The following ESRRA variants were observed in gnomAD, a reference collection of about 807,000 sequenced individuals.
ESRRA encodes the protein estrogen related receptor alpha, also known as steroid hormone receptor ERR1.
ESRRA carries 7 observed loss-of-function variants against 35.6 expected under a neutral mutation model. That is an observed-to-expected ratio of 0.20 (90% CI 0.11 to 0.37). The LOEUF (loss-of-function observed/expected upper bound fraction) is 0.37. ESRRA is among the 10% of genes least tolerant of loss of function. The pLI is 1.00. For missense variants in ESRRA, 378 were observed against 561.7 expected, an observed-to-expected ratio of 0.67 and a Z score of 3.31; for synonymous variants, 223 against 246.9, an observed-to-expected ratio of 0.90 and a Z score of 0.91.
chr11:64,307,059 G>A (rs1382071300), intron 1 of ESRRA, 109 bp from the exon 2 acceptor site: 8 of 850,878 alleles, frequency 9.4e-6, no homozygotes, highest in Non-Finnish European at 1.4e-5. Flanking sequence ...CCCACTTGCT[G>A]GGCTTGGAAG....
rs544054283 is a variant in ESRRA, at chr11:64,316,547, C to G, written c.*581C>G. ...TCCTCAGGGGGTAGGAGAGCACTGC[C>G]TCTATGCCCTGCAGAGCAATAACAC... is the stretch of plus-strand genomic sequence containing the variant. On this transcript the variant is annotated 3_prime_UTR_variant, in exon 7 of 7. Transcript: ENST00000000442. The G allele has an allele frequency of 1.3e-4, 39 of 302,478 alleles. No homozygotes were observed. In the East Asian group the frequency reaches 2.2e-3, roughly 17 times the overall value. The allele number at this position is 302,478 out of a possible 1,614,324, so 18.7% of individuals were successfully genotyped here. A position where few individuals can be genotyped will look rare whatever the true frequency, so the allele number is the denominator to read the frequency against.
chr11:64,311,981 C>G (rs1440783040), intron 2 of ESRRA, among the ~76,000 whole-genome samples: 6 of 5,320 alleles, frequency 1.1e-3, no homozygotes, highest in African/African-American at 1.5e-3. Flanking sequence ...CTGCGCCTGG[C>G]CTTTTTTTTT....
At chr11:64,310,841 C>T (rs1199113961) in intron 2 of ESRRA, among the ~76,000 whole-genome samples, 37 of 152,100 alleles carry the variant, frequency 2.4e-4, no homozygotes, top group Admixed American at 2.4e-3. Context: ...AGCCACTGCA[C>T]CCCGCCAATC....
chr11:64,316,509 C>T lies in ESRRA; in HGVS notation c.*543C>T. On this transcript the variant is annotated 3_prime_UTR_variant, in exon 7 of 7. Coordinates refer to ENST00000000442, the MANE Select transcript of ESRRA (RefSeq NM_004451.5). ...GGGGTGGCCAGGGCTTCCCCATCAG[C>T]TCCCAACGAGCCTCCTCAGGGGGTA... 1 of 234,236 alleles carries T rather than the reference C, an allele frequency of 4.3e-6. No individual in the cohort carries two copies. Among genetic ancestry groups the T allele is most frequent in the South Asian group, 5.5e-5 (1 of 18,332 alleles). The allele number at this position is 234,236 out of a possible 1,614,324, so 14.5% of individuals were successfully genotyped here. A position where few individuals can be genotyped will look rare whatever the true frequency, so the allele number is the denominator to read the frequency against.
chr11:64,309,430 A>G (rs1591241020), intron 2 of ESRRA, among the ~76,000 whole-genome samples: 1 of 73,722 alleles, frequency 1.4e-5, no homozygotes, highest in East Asian at 4.4e-4. Flanking sequence ...AGACACTCTC[A>G]TCTCAAAAAA....
rs1242387489 is a variant in ESRRA at position 64,305,762 on chromosome 11, C to T, written c.-13+26C>T. On this transcript the variant is annotated intron_variant, in intron 1 of 6. Coordinates refer to ENST00000000442, the MANE Select transcript of ESRRA (RefSeq NM_004451.5). The surrounding 1 kb of genome is among the most constrained non-coding windows in gnomAD (Gnocchi z 5.8). ...GTCCGGGGGCGGAGGGGAGCGCTGC[C>T]GCGGGGGTGGGCGGGCGGGGCGCGG... 4.1e-5 allele frequency: 5 copies of T among 121,934 alleles called. No homozygotes were observed. Among genetic ancestry groups the T allele is most frequent in the African/African-American group, 1.5e-4 (5 of 33,230 alleles). The allele number at this position is 121,934 out of a possible 1,614,324, so 7.6% of individuals were successfully genotyped here.
At chr11:64,307,106 C>T in intron 1 of ESRRA, 62 bp from the exon 2 acceptor site, 2 of 1,393,352 alleles carry the variant, frequency 1.4e-6, no homozygotes, top group South Asian at 3.0e-5. Context: ...ACCCGTGTGG[C>T]AGGGTGTCTC....
rs1301242227 is a variant in ESRRA at position 64,313,742 on chromosome 11, G to A, written c.326-209G>A. 5.8e-6 allele frequency: 3 copies of A among 519,804 alleles called. No homozygotes were observed. Among genetic ancestry groups the A allele is most frequent in the South Asian group, 2.7e-5 (1 of 36,944 alleles). The allele number at this position is 519,804 out of a possible 1,614,324, so 32.2% of individuals were successfully genotyped here. On this transcript the variant is annotated intron_variant, in intron 2 of 6. Coordinates refer to ENST00000000442, the MANE Select transcript of ESRRA (RefSeq NM_004451.5). This position sits in a 1 kb window ranked among gnomAD's most constrained non-coding sequence, Gnocchi z 4.0. ...AGGCTTGGGGCTGAGATGCAGCCCC[G>A]CTGCCTGGTCCAGCTCCTCCCTCAT...
Position 64,315,827 on chromosome 11 carries a change from C to T in ESRRA, c.1133C>T (p.Ala378Val), listed in dbSNP as rs45588331. The T allele has an allele frequency of 2.5e-5, 38 of 1,540,302 alleles. No homozygotes were observed. The East Asian group carries it at 4.0e-4, about 16-fold the overall frequency. The change falls in exon 7 of 7, where the codon GCG becomes GTG. Residue 378 changes from alanine to valine, a missense_variant. Transcript: ENST00000000442. Reference sequence around the variant, plus strand: ...GGAGGGGGTGCTGAGCGGCGGCGGGCGGGCAGGCTGCTGCTCACGCTACCG... The same window carrying T: ...GGAGGGGGTGCTGAGCGGCGGCGGGTGGGCAGGCTGCTGCTCACGCTACCG... Reference protein sequence around the residue: ...GPGGGAERRRAGRLLLTLPLL... With the variant: ...GPGGGAERRRVGRLLLTLPLL...
At chr11:64,310,322 C>T (rs1340502416) in intron 2 of ESRRA, among the ~76,000 whole-genome samples, 1 of 150,894 alleles carries the variant, frequency 6.6e-6, no homozygotes, top group Non-Finnish European at 1.5e-5. Context: ...GCAAGCTCCG[C>T]CTCCCGGGTT....
In ESRRA at chr11:64,316,054, C is replaced by G; in HGVS notation, c.*88C>G. On this transcript the variant is annotated 3_prime_UTR_variant, in exon 7 of 7. Coordinates refer to ENST00000000442, the MANE Select transcript of ESRRA (RefSeq NM_004451.5). ...GGCTGGGGCGGAGCTGGGGTCTGGG[C>G]AGTGCCACAGCCTGCTGGCAGGGCC... 2.1e-6 allele frequency: 3 copies of G among 1,439,470 alleles called. No homozygotes were observed. Among genetic ancestry groups the G allele is most frequent in the Non-Finnish European group, 1.9e-6 (2 of 1,068,702 alleles). The allele number at this position is 1,439,470 out of a possible 1,614,324, so 89.2% of individuals were successfully genotyped here.
intron 2 of ESRRA, among the ~76,000 whole-genome samples, chr11:64,312,260 C>T (rs1355841314): frequency 6.6e-6 from 1 of 152,082 alleles, no homozygotes; most frequent in Non-Finnish European, 1.5e-5. Context: ...CTGCCTCAGC[C>T]TCCTGAGTAG....
Position 64,313,558 on chromosome 11 carries a change from G to A in ESRRA, c.326-393G>A, listed in dbSNP as rs1346616492. On this transcript the variant is annotated intron_variant, in intron 2 of 6. Transcript: ENST00000000442. This position sits in a 1 kb window ranked among gnomAD's most constrained non-coding sequence, Gnocchi z 4.0. ...GCTGTCCTAGAAGCAAAAGAAGAAA[G>A]TGTTTCAGTGTTTCTAGGAGCAGGA... Among the ~76,000 whole-genome samples, 1 of 152,182 alleles carries A rather than the reference G, an allele frequency of 6.6e-6. No homozygotes were observed. Among genetic ancestry groups the A allele is most frequent in the Non-Finnish European group, 1.5e-5 (1 of 68,022 alleles).
chr11:64,315,662 G>A (rs2035235742), intron 6 of ESRRA, 45 bp from the exon 7 acceptor site: 3 of 1,605,238 alleles, frequency 1.9e-6, no homozygotes, highest in African/African-American at 2.7e-5. Context: ...GAGTGCCCTT[G>A]CCAGAGATAG....
At position 64,316,215 on chromosome 11, in the gene ESRRA, G is replaced by A. The variant is rs1449935227; in HGVS notation, c.*249G>A. The A allele has an allele frequency of 2.2e-5, 10 of 464,324 alleles. No homozygotes were observed. Among genetic ancestry groups the A allele is most frequent in the Non-Finnish European group, 3.8e-5 (10 of 260,842 alleles). 28.8% of individuals were successfully genotyped at this position (464,324 alleles called of 1,614,324 possible). On this transcript the variant is annotated 3_prime_UTR_variant, in exon 7 of 7. Transcript: ENST00000000442. ...TTGCAAGCCATAACGTGCCCCCAGA[G>A]TGTAGGGGGCCTTGCGGAAGCCATA...
At chr11:64,310,237 G>GTTT (rs199526212) in intron 2 of ESRRA, among the ~76,000 whole-genome samples, 4 of 134,370 alleles carry the variant, frequency 3.0e-5, no homozygotes, top group South Asian at 2.3e-4. Flanking sequence ...ATTCCAGCAC[G>GTTT]TTTTTTTTTT....
At position 64,313,617 on chromosome 11, in the gene ESRRA, C is replaced by T. The variant is rs2035183060; in HGVS notation, c.326-334C>T. ...ACAGCCTTAGATCCTCCTTTTAGGC[C>T]AAGTAACATGAGGACTAAGAATTGA... On this transcript the variant is annotated intron_variant, in intron 2 of 6. Coordinates refer to ENST00000000442, the MANE Select transcript of ESRRA (RefSeq NM_004451.5). This position sits in a 1 kb window ranked among gnomAD's most constrained non-coding sequence, Gnocchi z 4.0. Among the ~76,000 whole-genome samples, 1 of 152,184 alleles carries T rather than the reference C, an allele frequency of 6.6e-6. No individual in the cohort carries two copies. The highest frequency in any genetic ancestry group is 6.5e-5 in the Admixed American group (1 of 15,280).
chr11:64,314,243 G>A lies in ESRRA; in HGVS notation c.447G>A (p.Val149=). Residue 149 remains valine (V), a synonymous_variant, in exon 4 of 7, where the codon GTG becomes GTA. Coordinates refer to ENST00000000442, the MANE Select transcript of ESRRA (RefSeq NM_004451.5). ...CLRVGMLKEG[V]RLDRVRGGRQ... is the part of the protein sequence containing the mutation. ...CTATCTGTCCCACAATTCAAGGAGT[G>A]CGCCTGGACCGCGTCCGGGGTGGGC... 1 of 1,609,978 alleles carries A rather than the reference G, an allele frequency of 6.2e-7. No homozygotes were observed. Among genetic ancestry groups the A allele is most frequent in the African/African-American group, 1.3e-5 (1 of 74,990 alleles).
At position 64,316,724 on chromosome 11, in the gene ESRRA, T is replaced by C; in HGVS notation, c.*758T>C. The stretch of plus-strand genomic sequence containing the variant: ...TTAAACCTTTAATGAGAAAAAAATA[T>C]ATAATACCGAGCTCAAAAACACTGT... On this transcript the variant is annotated 3_prime_UTR_variant, in exon 7 of 7. Transcript: ENST00000000442. The C allele has an allele frequency of 3.1e-6, 2 of 646,960 alleles. No individual in the cohort carries two copies. The highest frequency in any genetic ancestry group is 2.7e-5 in the East Asian group (1 of 37,412). The allele number at this position is 646,960 out of a possible 1,614,324, so 40.1% of individuals were successfully genotyped here. A position where few individuals can be genotyped will look rare whatever the true frequency, so the allele number is the denominator to read the frequency against.
Sources: gnomAD v4.1 joint callset for allele counts (sites outside exome capture counted in the v4.1 genomes callset) on GRCh38, gnomAD v4.1.1 for gene constraint, Gnocchi (gnomAD v3.1) non-coding constraint, MANE v1.5 for transcripts, NCBI Gene and HGNC (gene_info 2026-07-23, HGNC 2026-07-21) for gene names.